Variants in MCAM observed in about 807,000 individuals in gnomAD.
The protein encoded by MCAM is cell surface glycoprotein MUC18.
In MCAM, 55 loss-of-function variants were observed where a neutral mutation model predicts 79.1. The observed-to-expected ratio is 0.70, with a 90% CI of 0.56 to 0.87. MCAM has a LOEUF of 0.87. Ranked by LOEUF, MCAM falls within the 40% of genes least tolerant of loss-of-function variation. The probability of loss-of-function intolerance (pLI) is 0.00; values close to 1 mark genes in which losing one functional copy is unlikely to be tolerated. For synonymous variants in MCAM, 330 were observed against 339.8 expected (o/e 0.97, Z 0.32); for missense variants, 745 against 839.8 (o/e 0.89, Z 1.40).
At chr11:119,313,380 C>T (rs1950263086) in intron 5 of MCAM, 1 of 1,192,484 alleles carries the variant, frequency 8.4e-7, no homozygotes, top group Admixed American at 3.3e-5. Context: ...ACCAGGGTTT[C>T]TCAGCACTAC....
intron 5 of MCAM, chr11:119,313,151 TG>T: frequency 6.6e-7 from 1 of 1,524,044 alleles, no homozygotes; most frequent in Non-Finnish European, 8.8e-7. Context: ...TTTTCATGTC[TG>T]CTCATATCCA....
At position 119,310,792 on chromosome 11, in the gene MCAM, C is replaced by T. The variant is rs577757305; in HGVS notation, c.1757G>A (p.Gly586Asp). The T allele has an allele frequency of 6.6e-5, 107 of 1,614,124 alleles. No homozygotes were observed. In the South Asian group the frequency reaches 1.1e-3, roughly 17 times the overall value. The change falls in exon 14 of 16, where the codon GGC (glycine) becomes GAC (aspartate). Residue 586 changes from glycine (G) to aspartate (D), a missense_variant. Physicochemically the swap from Gly to Asp is moderately conservative, Grantham distance 94. Coordinates refer to ENST00000264036, the MANE Select transcript of MCAM (RefSeq NM_006500.3). ...GAVLYFLYKK[G>D]KLPCRRSGKQ... is the part of the protein sequence containing the mutation. ...CCCTGAGCGCCTGCACGGCAGCTTG[C>T]CCTTCTTATAGAGGAAATAGAGGAC...
At chr11:119,314,118 C>T (rs1950274662) in intron 5 of MCAM, 1 of 811,892 alleles carries the variant, frequency 1.2e-6, no homozygotes, top group Non-Finnish European at 1.5e-6. Context: ...AAGTTAAAAG[C>T]TTAATGAAAA....
rs943346497 is a variant in MCAM, at chr11:119,311,014, A to G, written c.1645+76T>C. On this transcript the variant is annotated intron_variant, in intron 13 of 15. Coordinates refer to ENST00000264036, the MANE Select transcript of MCAM (RefSeq NM_006500.3). The surrounding 1 kb of genome is among the most constrained non-coding windows in gnomAD (Gnocchi z 4.4). ...ATGGGGCTGCTACTCACCTTTCTGG[A>G]CAGGGCTCTCTGGGGAGGGACAGGG... The G allele has an allele frequency of 6.2e-7, 1 of 1,613,902 alleles. No homozygotes were observed. The highest frequency in any genetic ancestry group is 8.5e-7 in the Non-Finnish European group (1 of 1,179,890).
chr11:119,316,963 C>A lies in MCAM; in HGVS notation c.67+72G>T. On this transcript the variant is annotated intron_variant, in intron 1 of 15. Coordinates refer to ENST00000264036, the MANE Select transcript of MCAM (RefSeq NM_006500.3). This position sits in a 1 kb window ranked among gnomAD's most constrained non-coding sequence, Gnocchi z 4.8. ...GCAACGCCCCGACCCCGCCGCGCCG[C>A]TGGCTCTGCTCCCTGGCACGCTCCA... is the stretch of plus-strand genomic sequence containing the variant. 1 of 1,356,908 alleles carries A rather than the reference C, an allele frequency of 7.4e-7. No individual in the cohort carries two copies. The highest frequency in any genetic ancestry group is 2.8e-5 in the East Asian group (1 of 35,454). 84.1% of individuals were successfully genotyped at this position (1,356,908 alleles called of 1,614,324 possible).
rs1454279107 is a variant in MCAM, at chr11:119,315,402, C to T, written c.68-139G>A. The T allele has an allele frequency of 5.4e-6, 6 of 1,119,772 alleles. No homozygotes were observed. In the Admixed American group the frequency reaches 1.3e-4, roughly 24 times the overall value. The allele number at this position is 1,119,772 out of a possible 1,614,324, so 69.4% of individuals were successfully genotyped here. A position where few individuals can be genotyped will look rare whatever the true frequency, so the allele number is the denominator to read the frequency against. On this transcript the variant is annotated intron_variant, in intron 1 of 15. Coordinates refer to ENST00000264036, the MANE Select transcript of MCAM (RefSeq NM_006500.3). The surrounding 1 kb of genome is among the most constrained non-coding windows in gnomAD (Gnocchi z 4.4). ...GCCCTGTCCTCTGAACGCTCTACCCCCACCCCGACCCGCGCCCCACCTGGG... is the reference window on the plus strand; with the variant it reads ...GCCCTGTCCTCTGAACGCTCTACCCTCACCCCGACCCGCGCCCCACCTGGG...
At chr11:119,314,385 A>T in intron 5 of MCAM, 104 bp downstream of exon 5, 1 of 1,026,990 alleles carries the variant, frequency 9.7e-7, no homozygotes, top group East Asian at 2.4e-5. Context: ...TGAACTCCTC[A>T]CCTCCAGAGA....
rs543705666 is a variant in MCAM, at chr11:119,309,775, G to A, written c.*111C>T. The stretch of plus-strand genomic sequence containing the variant: ...GCCCTCTGAAAGGGGGTGTGCAGGC[G>A]AGGGGAGCAGGAGGCTTCTCTCTAG... On this transcript the variant is annotated 3_prime_UTR_variant, in exon 16 of 16. Transcript: ENST00000264036. 7.5e-5 allele frequency: 87 copies of A among 1,154,892 alleles called. No individual in the cohort carries two copies. Among genetic ancestry groups the A allele is most frequent in the Non-Finnish European group, 9.7e-5 (77 of 790,154 alleles). 71.5% of individuals were successfully genotyped at this position (1,154,892 alleles called of 1,614,324 possible). A position where few individuals can be genotyped will look rare whatever the true frequency, so the allele number is the denominator to read the frequency against.
rs1360916952 is a variant in MCAM, at chr11:119,314,674, C to T, written c.471+5G>A. 1.2e-6 allele frequency: 2 copies of T among 1,613,988 alleles called. No individual in the cohort carries two copies. The highest frequency in any genetic ancestry group is 2.2e-5 in the South Asian group (2 of 91,078). On this transcript the variant is annotated splice_donor_5th_base_variant and intron_variant, in intron 4 of 15. Coordinates refer to ENST00000264036, the MANE Select transcript of MCAM (RefSeq NM_006500.3). ...GCTGCCCAGCCCACCTGCCACACAT[C>T]TCACCTCCTCAGGCTCCTTACTGTT... is the stretch of plus-strand genomic sequence containing the variant.
Position 119,310,736 on chromosome 11 carries a change from G to A in MCAM, c.1793+20C>T. 6.2e-7 allele frequency: 1 copy of A among 1,609,048 alleles called. No individual in the cohort carries two copies. Among genetic ancestry groups the A allele is most frequent in the South Asian group, 1.1e-5 (1 of 90,892 alleles). On this transcript the variant is annotated intron_variant, in intron 14 of 15. Transcript: ENST00000264036. ...GGGTGGCAAAACGGGCGGGGGCGGAGGGGCCGGTGTTGGGCTTACATCTCC... is the reference window on the plus strand; with the variant it reads ...GGGTGGCAAAACGGGCGGGGGCGGAAGGGCCGGTGTTGGGCTTACATCTCC...
At position 119,312,741 on chromosome 11, in the gene MCAM, A is replaced by C; in HGVS notation, c.739+29T>G. 1 of 1,613,254 alleles carries C rather than the reference A, an allele frequency of 6.2e-7. No homozygotes were observed. The highest frequency in any genetic ancestry group is 8.5e-7 in the Non-Finnish European group (1 of 1,179,418). ...AGGAGTTTCCAGCAGCCCCAGCCCC[A>C]GTAAGCAGAGAGTCAGGTTAGTACT... On this transcript the variant is annotated intron_variant, in intron 6 of 15. Transcript: ENST00000264036. The surrounding 1 kb of genome is among the most constrained non-coding windows in gnomAD (Gnocchi z 4.9).
intron 5 of MCAM, 66 bp downstream of exon 5, chr11:119,314,423 C>G (rs6589731): frequency 4.2e-6 from 6 of 1,432,810 alleles, no homozygotes; most frequent in Non-Finnish European, 5.9e-6. Context: ...CCCAAAGCAC[C>G]GAGATTACAG....
chr11:119,314,539 G>A lies in MCAM; in HGVS notation c.509C>T (p.Pro170Leu). Residue 170 changes from proline (P) to leucine (L), a missense_variant, in exon 5 of 16, where the codon CCT becomes CTT. Coordinates refer to ENST00000264036, the MANE Select transcript of MCAM (RefSeq NM_006500.3). ...GCCATTCTTGTACCAGATGACTTGA[G>A]GAATGGGGTACCCGTTCCTCCCTAC... ...TCVGRNGYPI[P>L]QVIWYKNGRP... The A allele has an allele frequency of 6.2e-7, 1 of 1,613,890 alleles. No individual in the cohort carries two copies. Among genetic ancestry groups the A allele is most frequent in the Non-Finnish European group, 8.5e-7 (1 of 1,179,984 alleles).
Position 119,314,882 on chromosome 11 carries a change from C to T in MCAM, c.351G>A (p.Gln117=), listed in dbSNP as rs1950287611. ...ACTCCTGGGACCGAGGGCGCTTGCC[C>T]TGGCACAAGAAGATGCGCTCGTCTT... ...TPQDERIFLC[Q]GKRPRSQEYR... The change falls in exon 3 of 16, where the codon CAG becomes CAA. Residue 117 remains glutamine (Q), a synonymous_variant. Transcript: ENST00000264036. 3 of 1,613,548 alleles carry T rather than the reference C, an allele frequency of 1.9e-6. No individual in the cohort carries two copies. Among genetic ancestry groups the T allele is most frequent in the Non-Finnish European group, 2.5e-6 (3 of 1,180,036 alleles).
chr11:119,309,935 AAG>A lies in MCAM; in HGVS notation c.1912-22_1912-21del. 1 of 1,596,364 alleles carries A rather than the reference AAG, an allele frequency of 6.3e-7. No homozygotes were observed. Among genetic ancestry groups the A allele is most frequent in the Non-Finnish European group, 8.5e-7 (1 of 1,170,322 alleles). ...CTCTCCCTAAAAGTGGGTAGAGGAG[AAG>A]AGGGGAACACGGAGACGGTGCTGAG... On this transcript the variant is annotated intron_variant, in intron 15 of 15. Transcript: ENST00000264036.
In MCAM at chr11:119,311,736, G is replaced by C. The variant is rs73004806; in HGVS notation, c.1285+72C>G. On this transcript the variant is annotated intron_variant, in intron 10 of 15. Transcript: ENST00000264036. This position sits in a 1 kb window ranked among gnomAD's most constrained non-coding sequence, Gnocchi z 4.4. ...CCAGAGCTCCCCAGGGCAGCAGGTG[G>C]CTTTTTGTCAAAGAGCTTAAAAACC... 21,570 of 1,607,412 alleles carry C rather than the reference G, an allele frequency of 0.013. 156 individuals carry two copies. The highest frequency in any genetic ancestry group is 0.017 in the Non-Finnish European group (19,643 of 1,175,626).
In MCAM at chr11:119,315,256, G is replaced by C. The variant is rs779647125; in HGVS notation, c.75C>G (p.Pro25=). Residue 25 remains proline, a synonymous_variant, in exon 2 of 16, where the codon CCC becomes CCG. Transcript: ENST00000264036. This position sits in a 1 kb window ranked among gnomAD's most constrained non-coding sequence, Gnocchi z 4.4. The stretch of plus-strand genomic sequence containing the variant: ...CAGGCGCAGGCTGCTCAGCCTCTCC[G>C]GGCACACCTGGGGGAGGGAGGCGGG... ...CCCCPRVAGV[P]GEAEQPAPEL... is the part of the protein sequence containing the mutation. The C allele has an allele frequency of 3.5e-5, 56 of 1,609,196 alleles. No homozygotes were observed. Among genetic ancestry groups the C allele is most frequent in the Admixed American group, 5.0e-5 (3 of 59,956 alleles).
chr11:119,312,784 G>A lies in MCAM; in HGVS notation c.725C>T (p.Thr242Ile). 4 of 1,614,180 alleles carry A rather than the reference G, an allele frequency of 2.5e-6. No individual in the cohort carries two copies. The highest frequency in any genetic ancestry group is 3.3e-5 in the Admixed American group (2 of 60,032). Residue 242 changes from threonine (T) to isoleucine (I), a missense_variant, in exon 6 of 16, where the codon ACC becomes ATC. By Grantham distance (89) the Thr-to-Ile change is moderately conservative. Transcript: ENST00000264036. The surrounding 1 kb of genome is among the most constrained non-coding windows in gnomAD (Gnocchi z 4.9). ...TTAGTACTCACAGAAAACAGGGACG[G>A]TGACTTCCCTGGACTCCTTCATGTG... The part of the protein sequence containing the change: ...GNHMKESREV[T>I]VPVFYPTEKV...
chr11:119,314,101 T>C, intron 5 of MCAM: 1 of 881,194 alleles, frequency 1.1e-6, no homozygotes, highest in Non-Finnish European at 1.4e-6. Flanking sequence ...ATTTGTATAA[T>C]TTTTTTAAGT....
Sources: gnomAD v4.1 joint callset for allele counts on GRCh38, gnomAD v4.1.1 for gene constraint, Gnocchi (gnomAD v3.1) non-coding constraint, MANE v1.5 for transcripts, NCBI Gene and HGNC (gene_info 2026-07-23, HGNC 2026-07-21) for gene names.